The following DARS1 variants were observed in gnomAD, a reference collection of about 807,000 sequenced individuals.
The protein encoded by DARS1 is aspartyl-tRNA synthetase 1, also known as aspartate--tRNA ligase, cytoplasmic.
Under a neutral mutation model 68.8 loss-of-function variants are expected in DARS1, and 51 were observed. The observed-to-expected ratio is 0.74, with a 90% CI of 0.59 to 0.94. The LOEUF (loss-of-function observed/expected upper bound fraction) is 0.94, where lower values mean the gene tolerates loss of function less well. DARS1 is among the 40% of genes least tolerant of loss of function. The probability of loss-of-function intolerance (pLI) is 0.00; values close to 1 mark genes in which losing one functional copy is unlikely to be tolerated. For missense variants in DARS1, 607 were observed against 597.3 expected (o/e 1.02, Z -0.17); for synonymous variants, 203 against 190.4 (o/e 1.07, Z -0.55).
At chr2:135,938,839 A>G (rs554367729) in intron 5 of DARS1, among the ~76,000 whole-genome samples, 1 of 137,512 alleles carries the variant, frequency 7.3e-6, no homozygotes, top group Non-Finnish European at 1.7e-5. Context: ...ATGGAAAACC[A>G]AAAAAAACAG....
chr2:135,922,368 G>A (rs1681123502), intron 9 of DARS1, among the ~76,000 whole-genome samples: 1 of 152,190 alleles, frequency 6.6e-6, no homozygotes, highest in African/African-American at 2.4e-5. Flanking sequence ...GCTGAAAAGA[G>A]TCCAAATGGG....
chr2:135,935,727 G>T (rs1681455071), intron 5 of DARS1, among the ~76,000 whole-genome samples: 1 of 151,952 alleles, frequency 6.6e-6, no homozygotes, highest in Admixed American at 6.6e-5. Context: ...TGTTTTTCTG[G>T]CTACCTTTAA....
intron 5 of DARS1, among the ~76,000 whole-genome samples, chr2:135,940,771 A>G (rs1041622296): frequency 6.6e-6 from 1 of 152,220 alleles, no homozygotes; most frequent in Non-Finnish European, 1.5e-5. Flanking sequence ...CCATCGTCTC[A>G]GGCCAAAACC....
At chr2:135,984,530 T>G (rs1046299390) in intron 1 of DARS1, among the ~76,000 whole-genome samples, 1 of 152,120 alleles carries the variant, frequency 6.6e-6, no homozygotes, top group South Asian at 2.1e-4. Context: ...AGAGATACAG[T>G]CACACAATGA....
intron 4 of DARS1, 92 bp downstream of exon 4, chr2:135,961,304 T>C (rs894432899): frequency 9.1e-5 from 66 of 725,168 alleles, no homozygotes; most frequent in Non-Finnish European, 3.0e-5. Context: ...AAACGAAGCA[T>C]TGATGTTAAT....
chr2:135,957,069 A>G (rs1316897070), intron 4 of DARS1, among the ~76,000 whole-genome samples: 1 of 151,740 alleles, frequency 6.6e-6, no homozygotes, highest in Non-Finnish European at 1.5e-5. Context: ...CCGGCCTGTG[A>G]TAACTTATTT....
chr2:135,953,646 A>G (rs1226596762), intron 4 of DARS1, among the ~76,000 whole-genome samples: 1 of 152,202 alleles, frequency 6.6e-6, no homozygotes, highest in Non-Finnish European at 1.5e-5. Flanking sequence ...TTATTCAGGA[A>G]GAATAACTGT....
At chr2:135,933,808 G>A in intron 6 of DARS1, 102 bp downstream of exon 6, 1 of 1,380,888 alleles carries the variant, frequency 7.2e-7, no homozygotes, top group Non-Finnish European at 9.5e-7. Flanking sequence ...TAACAATGGA[G>A]CTCAAAATCA....
intron 5 of DARS1, among the ~76,000 whole-genome samples, chr2:135,942,815 T>G (rs550323480): frequency 4.6e-5 from 7 of 152,306 alleles, no homozygotes; most frequent in African/African-American, 1.7e-4. Flanking sequence ...GTAGACTGTT[T>G]GCAAAAATGG....
In DARS1 at chr2:135,980,107, T is replaced by C. The variant is rs962867712; in HGVS notation, c.125-741A>G. Among the ~76,000 whole-genome samples the C allele has an allele frequency of 2.2e-4, 34 of 152,312 alleles. No individual in the cohort carries two copies. In the East Asian group the frequency reaches 6.2e-3, roughly 28 times the overall value. Reference sequence around the variant, plus strand: ...CTTCCTGAGCCCCAAGATCCAATCATGCTTGATGTCATCTCATACATTTCC... The same window carrying C: ...CTTCCTGAGCCCCAAGATCCAATCACGCTTGATGTCATCTCATACATTTCC... On this transcript the variant is annotated intron_variant, in intron 2 of 15. Transcript: ENST00000264161.
At chr2:135,938,932 A>G (rs1399556341) in intron 5 of DARS1, among the ~76,000 whole-genome samples, 2 of 152,230 alleles carry the variant, frequency 1.3e-5, no homozygotes, top group Non-Finnish European at 2.9e-5. Flanking sequence ...AAATAATGGT[A>G]AAGGGATCAA....
intron 10 of DARS1, among the ~76,000 whole-genome samples, chr2:135,918,308 C>T (rs1424975444): frequency 6.6e-6 from 1 of 152,034 alleles, no homozygotes; most frequent in Non-Finnish European, 1.5e-5. Flanking sequence ...ATATGACTAT[C>T]AATACTTTAA....
intron 7 of DARS1, among the ~76,000 whole-genome samples, chr2:135,926,746 G>A (rs965863114): frequency 1.3e-5 from 2 of 152,168 alleles, no homozygotes; most frequent in African/African-American, 4.8e-5. Context: ...TTGTGCGAGC[G>A]AATTCAGACT....
At chr2:135,930,825 G>A (rs1681325770) in intron 7 of DARS1, among the ~76,000 whole-genome samples, 1 of 152,096 alleles carries the variant, frequency 6.6e-6, no homozygotes, top group East Asian at 1.9e-4. Flanking sequence ...TGATCTAAAG[G>A]GAACTCTCCT....
chr2:135,963,372 GA>G (rs1190853252), intron 3 of DARS1, among the ~76,000 whole-genome samples: 1 of 151,192 alleles, frequency 6.6e-6, no homozygotes, highest in Non-Finnish European at 1.5e-5. Context: ...AACTATTAAT[GA>G]CTTTTTTTTT....
At chr2:135,918,873 G>C (rs895635230) in intron 10 of DARS1, among the ~76,000 whole-genome samples, 2 of 152,148 alleles carry the variant, frequency 1.3e-5, no homozygotes, top group Non-Finnish European at 1.5e-5. Flanking sequence ...ATTGAAAACT[G>C]ATTAAAATAA....
intron 4 of DARS1, among the ~76,000 whole-genome samples, chr2:135,959,397 A>C (rs1216905219): frequency 3.5e-5 from 3 of 86,866 alleles, no homozygotes; most frequent in African/African-American, 5.2e-5. Context: ...GTCTCAAAAA[A>C]AAAAAAAAAA....
At chr2:135,913,565 T>C (rs561784520) in intron 12 of DARS1, among the ~76,000 whole-genome samples, 38 of 152,094 alleles carry the variant, frequency 2.5e-4, no homozygotes, top group Non-Finnish European at 5.1e-4. Flanking sequence ...GAGACCAGCC[T>C]GGCCTACATG....
At chr2:135,974,053 C>T (rs2104844807) in intron 3 of DARS1, among the ~76,000 whole-genome samples, 1 of 152,260 alleles carries the variant, frequency 6.6e-6, no homozygotes, top group East Asian at 1.9e-4. Context: ...AAAATATATA[C>T]ACCTACTATG....
Sources: allele counts gnomAD v4.1 joint callset (sites outside exome capture counted in the v4.1 genomes callset), GRCh38; gene constraint gnomAD v4.1.1; transcripts MANE v1.5; gene names NCBI Gene and HGNC (gene_info 2026-07-23, HGNC 2026-07-21).